Variants in CSMD1 observed in about 807,000 individuals in gnomAD.
The protein encoded by CSMD1 is CUB and Sushi multiple domains 1.
Under a neutral mutation model 417.5 loss-of-function variants are expected in CSMD1, and 213 were observed. That is an observed-to-expected ratio of 0.51 (90% CI 0.46 to 0.57). CSMD1 has a LOEUF of 0.57. Ranked by LOEUF, CSMD1 falls within the 20% of genes least tolerant of loss-of-function variation. The pLI is 0.00. For synonymous variants in CSMD1, 2,862 were observed against 1,736.8 expected (o/e 1.65, Z -16.11); for missense variants, 6,923 against 4,529.7 (o/e 1.53, Z -15.17).
At chr8:3,382,981 T>C (rs1171024719) in intron 18 of CSMD1, among the ~76,000 whole-genome samples, 1 of 152,152 alleles carries the variant, frequency 6.6e-6, no homozygotes, top group African/African-American at 2.4e-5. Flanking sequence ...ACTTAAACGC[T>C]GTGACAAAGT....
chr8:4,220,224 T>G (rs1024083283), intron 3 of CSMD1, among the ~76,000 whole-genome samples: 3 of 152,192 alleles, frequency 2.0e-5, no homozygotes, highest in Non-Finnish European at 4.4e-5. Flanking sequence ...GTGCCGGGAT[T>G]AGAGGCGTGA....
chr8:4,640,796 G>C (rs1029656321), intron 1 of CSMD1, among the ~76,000 whole-genome samples: 4 of 148,854 alleles, frequency 2.7e-5, no homozygotes, highest in African/African-American at 7.4e-5. Context: ...TAGTTTCTGT[G>C]ATAATTGTAA....
At chr8:3,621,377 A>C (rs1796236099) in intron 7 of CSMD1, among the ~76,000 whole-genome samples, 1 of 152,152 alleles carries the variant, frequency 6.6e-6, no homozygotes, top group Admixed American at 6.5e-5. Context: ...GTTAAAAACG[A>C]AGAGTAATCA....
At chr8:4,491,617 G>C (rs1261337498) in intron 2 of CSMD1, among the ~76,000 whole-genome samples, 2 of 152,106 alleles carry the variant, frequency 1.3e-5, no homozygotes, top group Non-Finnish European at 2.9e-5. Flanking sequence ...GATACAAGGA[G>C]AGTAAATAAG....
At chr8:3,121,299 G>C (rs919512886) in intron 41 of CSMD1, among the ~76,000 whole-genome samples, 1 of 152,070 alleles carries the variant, frequency 6.6e-6, no homozygotes, top group African/African-American at 2.4e-5. Context: ...AGCATCCCTT[G>C]GTTTTAATTA....
At chr8:3,543,347 G>A (rs146018879) in intron 10 of CSMD1, among the ~76,000 whole-genome samples, 181 of 152,290 alleles carry the variant, frequency 1.2e-3, no homozygotes, top group African/African-American at 4.0e-3. Context: ...GGGATTTTGA[G>A]CAAACTAGAG....
At chr8:3,724,730 G>C (rs902869385) in intron 6 of CSMD1, among the ~76,000 whole-genome samples, 1 of 152,150 alleles carries the variant, frequency 6.6e-6, no homozygotes, top group Non-Finnish European at 1.5e-5. Flanking sequence ...TGCCTTCTAA[G>C]TGAAAATTAG....
chr8:3,768,421 T>C (rs780928053), intron 5 of CSMD1, among the ~76,000 whole-genome samples: 15 of 152,200 alleles, frequency 9.9e-5, no homozygotes, highest in African/African-American at 3.4e-4. Flanking sequence ...TGTTTATAAA[T>C]GTTTTAAATT....
chr8:4,713,203 C>G (rs764124958), intron 1 of CSMD1, among the ~76,000 whole-genome samples: 1 of 152,224 alleles, frequency 6.6e-6, no homozygotes, highest in East Asian at 1.9e-4. Flanking sequence ...ACCATTAACA[C>G]TTTAGACCAA....
At chr8:3,784,570 T>C (rs901049926) in intron 5 of CSMD1, among the ~76,000 whole-genome samples, 2 of 152,226 alleles carry the variant, frequency 1.3e-5, no homozygotes, top group African/African-American at 2.4e-5. Flanking sequence ...AATATTTAAA[T>C]TTCTAATTTA....
chr8:3,199,864 T>A, intron 32 of CSMD1, 55 bp from the exon 33 acceptor site: 1 of 1,060,572 alleles, frequency 9.4e-7, no homozygotes, highest in Non-Finnish European at 1.4e-6. Context: ...TGGGGGACGG[T>A]AGTATTTTGG....
At chr8:4,015,911 T>C (rs767770476) in intron 4 of CSMD1, among the ~76,000 whole-genome samples, 1 of 152,190 alleles carries the variant, frequency 6.6e-6, no homozygotes, top group Non-Finnish European at 1.5e-5. Flanking sequence ...AACAAACAAA[T>C]GGCAACAAAC....
At chr8:4,213,677 C>T (rs1800458888) in intron 3 of CSMD1, among the ~76,000 whole-genome samples, 1 of 152,194 alleles carries the variant, frequency 6.6e-6, no homozygotes, top group Non-Finnish European at 1.5e-5. Context: ...TGAAAGCAGC[C>T]ATGGGCCCTC....
chr8:4,205,602 C>T (rs546130784), intron 3 of CSMD1, among the ~76,000 whole-genome samples: 1 of 152,104 alleles, frequency 6.6e-6, no homozygotes, highest in African/African-American at 2.4e-5. Flanking sequence ...AGGATGAAGC[C>T]CTGACAATTT....
At chr8:4,981,477 T>A (rs1002269561) in intron 1 of CSMD1, among the ~76,000 whole-genome samples, 1 of 152,210 alleles carries the variant, frequency 6.6e-6, no homozygotes, top group African/African-American at 2.4e-5. Flanking sequence ...TATCATCAAT[T>A]AGAGTTTCAC....
At chr8:4,079,339 G>T (rs545801973) in intron 3 of CSMD1, among the ~76,000 whole-genome samples, 9 of 152,090 alleles carry the variant, frequency 5.9e-5, no homozygotes, top group African/African-American at 2.2e-4. Flanking sequence ...CCCTTGGAAC[G>T]AAATATACTT....
chr8:2,992,903 G>A (rs908077386), intron 54 of CSMD1, among the ~76,000 whole-genome samples: 17 of 151,160 alleles, frequency 1.1e-4, no homozygotes, highest in African/African-American at 4.1e-4. Context: ...CATCGCAGCT[G>A]GCTAATTTTT....
chr8:4,041,456 CT>C (rs1797891602), intron 3 of CSMD1, among the ~76,000 whole-genome samples: 1 of 152,136 alleles, frequency 6.6e-6, no homozygotes, highest in Non-Finnish European at 1.5e-5. Flanking sequence ...TACATCCAGC[CT>C]TAAAAAGTAG....
intron 3 of CSMD1, among the ~76,000 whole-genome samples, chr8:4,135,637 T>C (rs993153332): frequency 6.6e-6 from 1 of 152,136 alleles, no homozygotes; most frequent in Admixed American, 6.5e-5. Context: ...TCAAAGATGT[T>C]TGGGATAATA....
Sources: allele counts gnomAD v4.1 joint callset (sites outside exome capture counted in the v4.1 genomes callset), GRCh38; gene constraint gnomAD v4.1.1; transcripts MANE v1.5; gene names NCBI Gene and HGNC (gene_info 2026-07-23, HGNC 2026-07-21).